The following GRK4 variants were observed in gnomAD, a reference collection of about 807,000 sequenced individuals.
GRK4 encodes G protein-coupled receptor kinase 4.
A neutral mutation model predicts 77.9 loss-of-function variants in GRK4; 73 were observed. The ratio of observed to expected loss-of-function variants is 0.94; its 90% CI spans 0.78 to 1.14. The LOEUF (loss-of-function observed/expected upper bound fraction) is 1.14, where lower values mean the gene tolerates loss of function less well. Among genes scored for constraint, GRK4 ranks in the 50% most tolerant of loss-of-function variants. The pLI is 0.00. For synonymous variants in GRK4, 257 were observed against 254.4 expected, an observed-to-expected ratio of 1.01 and a Z score of -0.10; for missense variants, 729 against 700.2, an observed-to-expected ratio of 1.04 and a Z score of -0.46.
At chr4:3,036,345 C>G (rs2995802) in intron 13 of GRK4, among the ~76,000 whole-genome samples, 1 of 152,184 alleles carries the variant, frequency 6.6e-6, no homozygotes, top group Non-Finnish European at 1.5e-5. Flanking sequence ...CCCCGAGGGG[C>G]GGGGCCTGCC....
chr4:2,964,518 G>A (rs913828155), intron 1 of GRK4, among the ~76,000 whole-genome samples: 4 of 152,132 alleles, frequency 2.6e-5, no homozygotes, highest in Non-Finnish European at 4.4e-5. Context: ...GTCTTAAGGG[G>A]GACAAAGAAT....
intron 8 of GRK4, among the ~76,000 whole-genome samples, chr4:3,015,937 C>G (rs1734342193): frequency 6.7e-6 from 1 of 148,358 alleles, no homozygotes; most frequent in East Asian, 2.1e-4. Flanking sequence ...GATACAGAGT[C>G]TCGCACTGTC....
chr4:3,007,587 C>G lies in GRK4; in HGVS notation c.444-149C>G, dbSNP rs546678187. On this transcript the variant is annotated intron_variant, in intron 5 of 15. Transcript: ENST00000398052. ...TTTCACTTATAGCGTTAGAACCTAA[C>G]GTGGACTTCTGTAATTGCAAATTCA... 7.8e-6 allele frequency: 4 copies of G among 511,522 alleles called. No homozygotes were observed. In the East Asian group the frequency reaches 1.3e-4, roughly 17 times the overall value. 31.7% of individuals were successfully genotyped at this position (511,522 alleles called of 1,614,324 possible).
At chr4:2,991,262 A>C (rs1435838880) in intron 3 of GRK4, among the ~76,000 whole-genome samples, 1 of 152,168 alleles carries the variant, frequency 6.6e-6, no homozygotes, top group African/African-American at 2.4e-5. Context: ...TGTTCTTAAC[A>C]CCTTCCAACT....
At chr4:2,972,827 C>A (rs949854812) in intron 1 of GRK4, among the ~76,000 whole-genome samples, 1 of 152,080 alleles carries the variant, frequency 6.6e-6, no homozygotes, top group Non-Finnish European at 1.5e-5. Flanking sequence ...CTCCACCTCC[C>A]GGGCTCAAGC....
intron 4 of GRK4, among the ~76,000 whole-genome samples, chr4:2,998,781 C>T (rs1408584930): frequency 6.6e-6 from 1 of 152,036 alleles, no homozygotes; most frequent in African/African-American, 2.4e-5. Flanking sequence ...GATGGCAGTA[C>T]TCCCCAAATT....
At chr4:3,005,318 G>C (rs1730975207) in intron 5 of GRK4, among the ~76,000 whole-genome samples, 1 of 151,922 alleles carries the variant, frequency 6.6e-6, no homozygotes, top group Non-Finnish European at 1.5e-5. Flanking sequence ...GATGACATAT[G>C]CATTGTGTTT....
chr4:2,980,443 C>T (rs1722551710), intron 1 of GRK4, among the ~76,000 whole-genome samples: 2 of 151,770 alleles, frequency 1.3e-5, no homozygotes, highest in African/African-American at 4.8e-5. Context: ...ACACTGAACC[C>T]CACTCATGGG....
chr4:2,985,140 C>T (rs1028496256), intron 2 of GRK4, among the ~76,000 whole-genome samples: 4 of 151,688 alleles, frequency 2.6e-5, no homozygotes, highest in Non-Finnish European at 5.9e-5. Flanking sequence ...AGGCCGGGCG[C>T]AGTGGCTCAC....
intron 4 of GRK4, among the ~76,000 whole-genome samples, chr4:2,993,947 G>C (rs1054793510): frequency 5.3e-5 from 8 of 152,294 alleles, no homozygotes; most frequent in Admixed American, 2.0e-4. Flanking sequence ...TGGATATAGG[G>C]CCATCATCTT....
intron 1 of GRK4, among the ~76,000 whole-genome samples, chr4:2,968,874 T>C (rs947155317): frequency 6.6e-6 from 1 of 152,188 alleles, no homozygotes; most frequent in Non-Finnish European, 1.5e-5. Context: ...TTTTGCCTCA[T>C]GAATTTCATG....
At chr4:3,018,092 T>C (rs1398214367) in intron 8 of GRK4, among the ~76,000 whole-genome samples, 2 of 150,708 alleles carry the variant, frequency 1.3e-5, no homozygotes, top group Non-Finnish European at 3.0e-5. Context: ...TTTTTTTAGA[T>C]AGAGATGGGG....
chr4:2,990,767 G>T (rs1362082669), intron 3 of GRK4, among the ~76,000 whole-genome samples: 4 of 152,180 alleles, frequency 2.6e-5, no homozygotes, highest in Non-Finnish European at 4.4e-5. Context: ...TTCTGATATT[G>T]TCATGATACC....
At chr4:2,986,752 GA>G in intron 2 of GRK4, 1 of 268,864 alleles carries the variant, frequency 3.7e-6, no homozygotes, top group South Asian at 3.2e-5. Flanking sequence ...TTATCTGTAG[GA>G]AGGACACATT....
At chr4:2,969,546 T>C (rs1718839018) in intron 1 of GRK4, among the ~76,000 whole-genome samples, 1 of 151,958 alleles carries the variant, frequency 6.6e-6, no homozygotes, top group African/African-American at 2.4e-5. Flanking sequence ...CCGGCTAATT[T>C]TGTATTTTTA....
intron 11 of GRK4, 152 bp downstream of exon 11, chr4:3,028,153 G>A (rs531060565): frequency 1.5e-6 from 1 of 673,892 alleles, no homozygotes; most frequent in South Asian, 1.8e-5. Flanking sequence ...ACCTGTCAGA[G>A]TGTTGAGGCT....
chr4:3,005,447 G>A (rs1399491071), intron 5 of GRK4, among the ~76,000 whole-genome samples: 2 of 151,950 alleles, frequency 1.3e-5, no homozygotes, highest in African/African-American at 2.4e-5. Context: ...CTGAGCCAGT[G>A]CAGTCCGAGC....
chr4:3,001,923 G>C (rs556142051), intron 4 of GRK4, among the ~76,000 whole-genome samples: 1 of 152,184 alleles, frequency 6.6e-6, no homozygotes, highest in Non-Finnish European at 1.5e-5. Context: ...AATTGAGCAT[G>C]ACTTGGGTAT....
chr4:2,989,707 A>G (rs920729584), intron 3 of GRK4, among the ~76,000 whole-genome samples: 19 of 152,240 alleles, frequency 1.2e-4, no homozygotes, highest in Admixed American at 1.2e-3. Flanking sequence ...TATGGAAGGG[A>G]TAAAGTTTGT....
Sources: allele counts gnomAD v4.1 joint callset (sites outside exome capture counted in the v4.1 genomes callset), GRCh38; gene constraint gnomAD v4.1.1; transcripts MANE v1.5; gene names NCBI Gene and HGNC (gene_info 2026-07-23, HGNC 2026-07-21).